Variants in PKNOX2 observed in about 807,000 individuals in gnomAD.
PKNOX2 encodes the protein PBX/knotted 1 homeobox 2.
Under a neutral mutation model 53.1 loss-of-function variants are expected in PKNOX2, and 14 were observed. The observed-to-expected ratio is 0.26, with a 90% confidence interval of 0.17 to 0.41. The LOEUF (loss-of-function observed/expected upper bound fraction) is 0.41, where lower values mean the gene tolerates loss of function less well. PKNOX2 is among the 10% of genes least tolerant of loss of function. The probability of loss-of-function intolerance (pLI) is 1.00; values close to 1 mark genes in which losing one functional copy is unlikely to be tolerated. For synonymous variants in PKNOX2, 257 were observed against 242.8 expected (o/e 1.06, Z -0.54); for missense variants, 496 against 602.8 (o/e 0.82, Z 1.85).
chr11:125,189,778 G>C (rs562642686), intron 1 of PKNOX2, among the ~76,000 whole-genome samples: 1 of 151,236 alleles, frequency 6.6e-6, no homozygotes, highest in Non-Finnish European at 1.5e-5. Flanking sequence ...AAATTTTTTC[G>C]GTCTTCTAGG....
At chr11:125,349,949 G>A (rs1260393741) in intron 3 of PKNOX2, among the ~76,000 whole-genome samples, 1 of 152,054 alleles carries the variant, frequency 6.6e-6, no homozygotes, top group Non-Finnish European at 1.5e-5. Context: ...ATTCAGGTCT[G>A]TGAACATTTT....
chr11:125,197,120 G>A (rs1293671182), intron 1 of PKNOX2, among the ~76,000 whole-genome samples: 1 of 152,230 alleles, frequency 6.6e-6, no homozygotes, highest in Non-Finnish European at 1.5e-5. Context: ...CCCCAGCCGG[G>A]ACCCCTGCTT....
chr11:125,347,420 C>T (rs976080594), intron 3 of PKNOX2, among the ~76,000 whole-genome samples: 10 of 152,218 alleles, frequency 6.6e-5, no homozygotes, highest in African/African-American at 2.2e-4. Flanking sequence ...GTTAATTGGT[C>T]TAATGGGTTT....
intron 2 of PKNOX2, among the ~76,000 whole-genome samples, chr11:125,329,344 C>A: frequency 6.6e-6 from 1 of 152,192 alleles, no homozygotes; most frequent in African/African-American, 2.4e-5. Flanking sequence ...AACATTTTTC[C>A]TCTTATTTGT....
At chr11:125,409,592 A>G (rs1955362480) in intron 7 of PKNOX2, among the ~76,000 whole-genome samples, 1 of 152,104 alleles carries the variant, frequency 6.6e-6, no homozygotes, top group South Asian at 2.1e-4. Context: ...TACAAAGGTG[A>G]GAGCTGGAGG....
chr11:125,418,527 C>T (rs773683492), intron 10 of PKNOX2, among the ~76,000 whole-genome samples: 6 of 151,994 alleles, frequency 3.9e-5, no homozygotes, highest in Admixed American at 6.5e-5. Context: ...GGAGGCAGAG[C>T]GGCTGTACCC....
rs1956769756 is a variant in PKNOX2 at position 125,432,985 on chromosome 11, A to G, written c.*1593A>G. ...CTGAAATGAATGTATTTCTCCCCCA[A>G]AAGAGCTGATATTTAATGTTTTAAT... On this transcript the variant is annotated 3_prime_UTR_variant, in exon 13 of 13. Coordinates refer to ENST00000298282, the MANE Select transcript of PKNOX2 (RefSeq NM_001382323.2). The G allele has an allele frequency of 6.6e-6, 1 of 152,598 alleles. No homozygotes were observed. The highest frequency in any genetic ancestry group is 2.4e-5 in the African/African-American group (1 of 41,446). The allele number at this position is 152,598 out of a possible 1,614,324, so 9.5% of individuals were successfully genotyped here. A position where few individuals can be genotyped will look rare whatever the true frequency, so the allele number is the denominator to read the frequency against.
At chr11:125,376,924 A>G (rs1376298021) in intron 5 of PKNOX2, among the ~76,000 whole-genome samples, 3 of 152,168 alleles carry the variant, frequency 2.0e-5, no homozygotes, top group Non-Finnish European at 4.4e-5. Flanking sequence ...TTAAAAGAAA[A>G]CGAGGTTCGA....
intron 2 of PKNOX2, among the ~76,000 whole-genome samples, chr11:125,274,919 G>T (rs1389448175): frequency 2.0e-5 from 3 of 152,148 alleles, no homozygotes; most frequent in African/African-American, 7.2e-5. Context: ...CCAGTCCCGG[G>T]GTGCAGAGAT....
At chr11:125,411,964 C>A in intron 10 of PKNOX2, 99 bp downstream of exon 10, 1 of 1,559,872 alleles carries the variant, frequency 6.4e-7, no homozygotes, top group Non-Finnish European at 8.7e-7. Context: ...AACCCACAGA[C>A]AGAGGGCGCG....
chr11:125,314,721 C>G (rs929464346), intron 2 of PKNOX2, among the ~76,000 whole-genome samples: 2 of 152,138 alleles, frequency 1.3e-5, no homozygotes, highest in African/African-American at 4.8e-5. Flanking sequence ...CTACTGCTTC[C>G]CCAGCCCTGC....
At chr11:125,315,293 T>C in intron 2 of PKNOX2, among the ~76,000 whole-genome samples, 1 of 134,722 alleles carries the variant, frequency 7.4e-6, no homozygotes, top group Non-Finnish European at 1.6e-5. Flanking sequence ...CTTTACTGTT[T>C]GTGAAGCAGG....
intron 1 of PKNOX2, among the ~76,000 whole-genome samples, chr11:125,196,970 G>C (rs750604927): frequency 1.3e-5 from 2 of 152,132 alleles, no homozygotes; most frequent in African/African-American, 4.8e-5. Flanking sequence ...TACCCTATTG[G>C]GTAAAGCCGT....
intron 1 of PKNOX2, among the ~76,000 whole-genome samples, chr11:125,186,536 C>T (rs2135308962): frequency 6.6e-6 from 1 of 152,216 alleles, no homozygotes; most frequent in Admixed American, 6.5e-5. Context: ...CCTGTAGTCC[C>T]AGCTACTCAG....
At chr11:125,180,488 T>C (rs1313612453) in intron 1 of PKNOX2, among the ~76,000 whole-genome samples, 1 of 152,198 alleles carries the variant, frequency 6.6e-6, no homozygotes, top group Non-Finnish European at 1.5e-5. Flanking sequence ...AATGTCAGAA[T>C]TGGAAGGAAC....
intron 4 of PKNOX2, among the ~76,000 whole-genome samples, chr11:125,353,538 T>C (rs962641144): frequency 4.6e-5 from 7 of 152,180 alleles, no homozygotes; most frequent in Non-Finnish European, 8.8e-5. Context: ...ACTGAGCTGC[T>C]CTAGCCTTTG....
At chr11:125,228,925 C>T (rs1175967469) in intron 1 of PKNOX2, among the ~76,000 whole-genome samples, 2 of 152,038 alleles carry the variant, frequency 1.3e-5, no homozygotes, top group African/African-American at 4.8e-5. Flanking sequence ...GGGGTGCAAC[C>T]GCTACAGATT....
At chr11:125,419,494 C>T (rs750132925) in intron 10 of PKNOX2, among the ~76,000 whole-genome samples, 1 of 151,212 alleles carries the variant, frequency 6.6e-6, no homozygotes, top group Non-Finnish European at 1.5e-5. Context: ...GAGACTGGCC[C>T]ATTTTTGTTC....
At chr11:125,418,747 C>T (rs575806483) in intron 10 of PKNOX2, among the ~76,000 whole-genome samples, 4 of 152,154 alleles carry the variant, frequency 2.6e-5, no homozygotes, top group African/African-American at 4.8e-5. Flanking sequence ...TCCCTGGATC[C>T]GACCAACCTT....
Sources: allele counts gnomAD v4.1 joint callset (sites outside exome capture counted in the v4.1 genomes callset), GRCh38; gene constraint gnomAD v4.1.1; transcripts MANE v1.5; gene names NCBI Gene and HGNC (gene_info 2026-07-23, HGNC 2026-07-21).